Variants in GRIA4 observed in about 807,000 individuals in gnomAD.
GRIA4 encodes the protein glutamate receptor 4.
GRIA4 carries 34 observed loss-of-function variants against 104.0 expected under a neutral mutation model. That is an observed-to-expected ratio of 0.33 (90% CI 0.25 to 0.44). The LOEUF (loss-of-function observed/expected upper bound fraction) is 0.44. GRIA4 is among the 20% of genes least tolerant of loss of function. The probability of loss-of-function intolerance (pLI) is 1.00; values close to 1 mark genes in which losing one functional copy is unlikely to be tolerated. For missense variants in GRIA4, 750 were observed against 1,096.5 expected (o/e 0.68, Z 4.46); for synonymous variants, 386 against 381.9 (o/e 1.01, Z -0.13).
At chr11:105,762,701 G>A (rs1346070626) in intron 4 of GRIA4, among the ~76,000 whole-genome samples, 1 of 152,108 alleles carries the variant, frequency 6.6e-6, no homozygotes, top group East Asian at 1.9e-4. Flanking sequence ...TAAGTCTCAC[G>A]AGATCTGATG....
At chr11:105,644,832 G>A (rs1362968827) in intron 3 of GRIA4, among the ~76,000 whole-genome samples, 1 of 152,072 alleles carries the variant, frequency 6.6e-6, no homozygotes, top group African/African-American at 2.4e-5. Flanking sequence ...ATTTTACTTA[G>A]GTGAAAGAGA....
Position 105,713,874 on chromosome 11 carries a change from G to A in GRIA4, c.248-39107G>A, listed in dbSNP as rs1031658602. Among the ~76,000 whole-genome samples the A allele has an allele frequency of 1.1e-4, 17 of 152,314 alleles. No homozygotes were observed. In the South Asian group the frequency reaches 1.2e-3, roughly 11 times the overall value. The stretch of plus-strand genomic sequence containing the variant: ...TAACAACAGACCCAGAGGACCAGTA[G>A]TGGGTACAGCTGCAAGGAAACACTT... On this transcript the variant is annotated intron_variant, in intron 3 of 16. Coordinates refer to ENST00000282499, the MANE Select transcript of GRIA4 (RefSeq NM_000829.4).
At chr11:105,857,304 T>C (rs147180515) in intron 4 of GRIA4, among the ~76,000 whole-genome samples, 104 of 152,242 alleles carry the variant, frequency 6.8e-4, no homozygotes, top group African/African-American at 2.5e-3. Context: ...ACACACACCT[T>C]TCTCCTTGAA....
At chr11:105,811,569 T>C (rs1943174452) in intron 4 of GRIA4, among the ~76,000 whole-genome samples, 1 of 152,128 alleles carries the variant, frequency 6.6e-6, no homozygotes, top group South Asian at 2.1e-4. Context: ...TGTCTACATG[T>C]TTTAATGTTT....
At chr11:105,745,859 T>C (rs2135671175) in intron 3 of GRIA4, among the ~76,000 whole-genome samples, 2 of 152,282 alleles carry the variant, frequency 1.3e-5, no homozygotes, top group Admixed American at 1.3e-4. Flanking sequence ...TGCTTAAGAA[T>C]GTAAACATTT....
intron 9 of GRIA4, among the ~76,000 whole-genome samples, chr11:105,908,256 T>C (rs761184967): frequency 1.3e-5 from 2 of 152,230 alleles, no homozygotes; most frequent in Non-Finnish European, 2.9e-5. Context: ...ACATCCCTTA[T>C]CAATTTAGTG....
rs73630112 is a variant in GRIA4 at position 105,721,961 on chromosome 11, G to A, written c.248-31020G>A. On this transcript the variant is annotated intron_variant, in intron 3 of 16. Coordinates refer to ENST00000282499, the MANE Select transcript of GRIA4 (RefSeq NM_000829.4). ...AAATGTCAATTGCAGTAAATCTAACGCAAGCTGGAAATTATAAAAGAATAT... is the reference window on the plus strand; with the variant it reads ...AAATGTCAATTGCAGTAAATCTAACACAAGCTGGAAATTATAAAAGAATAT... 7.2e-3 allele frequency among the ~76,000 whole-genome samples: 1,103 copies of A among 152,182 alleles called. 13 individuals carry two copies. Among genetic ancestry groups the A allele is most frequent in the African/African-American group, 0.025 (1,036 of 41,526 alleles).
In GRIA4 at chr11:105,728,027, C is replaced by T. The variant is rs1214094849; in HGVS notation, c.248-24954C>T. ...ACAGGATCCAATTCACACATAACAA[C>T]GTTAACCTTTAATGTAAATGGGCTA... On this transcript the variant is annotated intron_variant, in intron 3 of 16. Coordinates refer to ENST00000282499, the MANE Select transcript of GRIA4 (RefSeq NM_000829.4). Among the ~76,000 whole-genome samples, 12 of 152,188 alleles carry T rather than the reference C, an allele frequency of 7.9e-5. 1 individual carries two copies. Among genetic ancestry groups the T allele is most frequent in the Admixed American group, 4.6e-4 (7 of 15,282 alleles).
At chr11:105,653,162 C>T (rs1467790209) in intron 3 of GRIA4, among the ~76,000 whole-genome samples, 24 of 152,336 alleles carry the variant, frequency 1.6e-4, no homozygotes, top group African/African-American at 4.3e-4. Flanking sequence ...CTGCCCGCCT[C>T]GGCCTCCCAA....
intron 4 of GRIA4, among the ~76,000 whole-genome samples, chr11:105,784,256 T>C (rs1941858744): frequency 6.6e-6 from 1 of 152,228 alleles, no homozygotes; most frequent in Non-Finnish European, 1.5e-5. Flanking sequence ...TATGTATTCC[T>C]ATATTGTTTT....
chr11:105,812,867 C>G (rs987644177), intron 4 of GRIA4, among the ~76,000 whole-genome samples: 10 of 151,996 alleles, frequency 6.6e-5, no homozygotes, highest in African/African-American at 2.2e-4. Flanking sequence ...TTTGGCAGGC[C>G]AAGGCGGGCG....
intron 3 of GRIA4, among the ~76,000 whole-genome samples, chr11:105,721,101 T>C (rs1178764219): frequency 6.6e-6 from 1 of 152,166 alleles, no homozygotes; most frequent in African/African-American, 2.4e-5. Flanking sequence ...CTATTTTTCA[T>C]CTAGCTGGTC....
intron 3 of GRIA4, among the ~76,000 whole-genome samples, chr11:105,741,349 A>C (rs896023554): frequency 6.6e-6 from 1 of 152,178 alleles, no homozygotes; most frequent in Non-Finnish European, 1.5e-5. Context: ...TTTGAGTCTG[A>C]AGCTCATGGA....
intron 4 of GRIA4, among the ~76,000 whole-genome samples, chr11:105,762,410 G>A (rs567105397): frequency 6.6e-6 from 1 of 152,154 alleles, no homozygotes; most frequent in Admixed American, 6.5e-5. Flanking sequence ...TTTCTGGATG[G>A]TTTTGCCTCT....
intron 10 of GRIA4, among the ~76,000 whole-genome samples, chr11:105,911,111 G>A (rs1947220451): frequency 6.6e-6 from 1 of 151,884 alleles, no homozygotes; most frequent in African/African-American, 2.4e-5. Context: ...TATTTTGAAT[G>A]AGAAAAGGGT....
chr11:105,738,951 A>AT, intron 3 of GRIA4, among the ~76,000 whole-genome samples: 1 of 151,196 alleles, frequency 6.6e-6, no homozygotes, highest in Admixed American at 6.6e-5. Flanking sequence ...AAAACAAAAA[A>AT]AACCCAAAAA....
In GRIA4 at chr11:105,739,876, T is replaced by C. The variant is rs1939199799; in HGVS notation, c.248-13105T>C. Among the ~76,000 whole-genome samples the C allele has an allele frequency of 2.0e-5, 3 of 152,100 alleles. No individual in the cohort carries two copies. The South Asian group carries it at 6.2e-4, about 31-fold the overall frequency. ...AAGATAAATAGCAGCATTCTGAAAATCAACAGGTAAAAATTAAGTTAATAT... is the reference window on the plus strand; with the variant it reads ...AAGATAAATAGCAGCATTCTGAAAACCAACAGGTAAAAATTAAGTTAATAT... On this transcript the variant is annotated intron_variant, in intron 3 of 16. Transcript: ENST00000282499.
At chr11:105,762,009 T>C (rs1752715517) in intron 4 of GRIA4, among the ~76,000 whole-genome samples, 1 of 150,988 alleles carries the variant, frequency 6.6e-6, no homozygotes, top group Non-Finnish European at 1.5e-5. Flanking sequence ...CCCCGAAGAA[T>C]CTTTTGAGAA....
intron 11 of GRIA4, among the ~76,000 whole-genome samples, chr11:105,921,413 T>C (rs1947560899): frequency 6.6e-6 from 1 of 151,968 alleles, no homozygotes; most frequent in African/African-American, 2.4e-5. Flanking sequence ...GAATTACCTG[T>C]GGAGACATTT....
Sources: allele counts gnomAD v4.1 joint callset (sites outside exome capture counted in the v4.1 genomes callset), GRCh38; gene constraint gnomAD v4.1.1; transcripts MANE v1.5; gene names NCBI Gene and HGNC (gene_info 2026-07-23, HGNC 2026-07-21).